Variants in DIP2C observed in about 807,000 individuals in gnomAD.
DIP2C encodes disco-interacting protein 2 homolog C.
Under a neutral mutation model 192.4 loss-of-function variants are expected in DIP2C, and 33 were observed. The ratio of observed to expected loss-of-function variants is 0.17; its 90% CI spans 0.13 to 0.23. The LOEUF is 0.23. Ranked by LOEUF, DIP2C falls within the 10% of genes least tolerant of loss-of-function variation. The probability of loss-of-function intolerance (pLI) is 1.00; values close to 1 mark genes in which losing one functional copy is unlikely to be tolerated. For missense variants in DIP2C, 1,537 were observed against 2,110.1 expected, an observed-to-expected ratio of 0.73 and a Z score of 5.32; for synonymous variants, 979 against 864.1, an observed-to-expected ratio of 1.13 and a Z score of -2.33.
intron 31 of DIP2C, among the ~76,000 whole-genome samples, chr10:314,142 C>T (rs969047114): frequency 2.0e-5 from 3 of 152,200 alleles, no homozygotes; most frequent in African/African-American, 7.2e-5. Context: ...CTTTGTACTC[C>T]TATTTCCAGA....
At chr10:450,302 G>A (rs914280723) in intron 3 of DIP2C, among the ~76,000 whole-genome samples, 4 of 152,194 alleles carry the variant, frequency 2.6e-5, no homozygotes, top group Middle Eastern at 3.4e-3. Context: ...ATGTGGACCC[G>A]ACACAAGAGA....
At chr10:577,164 G>A (rs989256018) in intron 1 of DIP2C, among the ~76,000 whole-genome samples, 6 of 152,174 alleles carry the variant, frequency 3.9e-5, no homozygotes, top group Admixed American at 6.6e-5. Flanking sequence ...GCATCCTACT[G>A]CAATTAATCC....
chr10:622,291 GGAGGGAGGA>G (rs1853906468), intron 1 of DIP2C, among the ~76,000 whole-genome samples: 1 of 85,004 alleles, frequency 1.2e-5, no homozygotes, highest in Admixed American at 1.1e-4. Flanking sequence ...GGAGGGGGAG[GGAGGGAGGA>G]GGGGGGAGAG....
intron 1 of DIP2C, among the ~76,000 whole-genome samples, chr10:584,495 C>CA (rs1343280842): frequency 5.8e-5 from 8 of 138,466 alleles, no homozygotes; most frequent in Non-Finnish European, 1.2e-4. Flanking sequence ...CACTCACGCG[C>CA]ATCACCTCTC....
At chr10:392,567 C>T (rs530270287) in intron 10 of DIP2C, among the ~76,000 whole-genome samples, 1 of 152,178 alleles carries the variant, frequency 6.6e-6, no homozygotes, top group Non-Finnish European at 1.5e-5. Context: ...TAGAGTGCCC[C>T]CCGCGGCCCC....
intron 10 of DIP2C, among the ~76,000 whole-genome samples, chr10:392,491 A>C (rs1963544783): frequency 6.6e-6 from 1 of 152,240 alleles, no homozygotes. Flanking sequence ...CAGGAGCAGC[A>C]GGCCTGGGAG....
chr10:301,720 G>A (rs554029827), intron 32 of DIP2C, among the ~76,000 whole-genome samples: 1 of 152,326 alleles, frequency 6.6e-6, no homozygotes, highest in East Asian at 1.9e-4. Context: ...CCGGGAGCCC[G>A]CCTCTGGTAA....
intron 17 of DIP2C, among the ~76,000 whole-genome samples, chr10:371,538 C>T (rs1012154221): frequency 1.3e-5 from 2 of 152,172 alleles, no homozygotes; most frequent in Non-Finnish European, 1.5e-5. Context: ...GAGAAGCTCA[C>T]GTGACGATGG....
chr10:569,609 A>G (rs755598053), intron 1 of DIP2C, among the ~76,000 whole-genome samples: 17 of 152,332 alleles, frequency 1.1e-4, no homozygotes, highest in East Asian at 5.8e-4. Flanking sequence ...TTTTTTAAAA[A>G]AAAGCAAAAA....
At chr10:341,101 G>C (rs1303508530) in intron 29 of DIP2C, 98 bp downstream of exon 29, 8 of 1,537,034 alleles carry the variant, frequency 5.2e-6, no homozygotes, top group Non-Finnish European at 6.3e-6. Context: ...CAGGAGTGGG[G>C]GTGTGGGGGC....
intron 15 of DIP2C, 100 bp downstream of exon 15, chr10:384,446 C>G (rs1962691902): frequency 8.2e-7 from 1 of 1,219,734 alleles, no homozygotes. Flanking sequence ...CCATATTGGC[C>G]CGGGTGGTCT....
At chr10:529,845 T>C (rs1054947593) in intron 1 of DIP2C, among the ~76,000 whole-genome samples, 1 of 152,246 alleles carries the variant, frequency 6.6e-6, no homozygotes, top group African/African-American at 2.4e-5. Context: ...AGTATTGCGA[T>C]CATGGCTCAT....
rs372291501 is a variant in DIP2C at position 444,219 on chromosome 10, A to C, written c.269-3223T>G. Among the ~76,000 whole-genome samples the C allele has an allele frequency of 7.9e-5, 12 of 151,222 alleles. No individual in the cohort carries two copies. In the East Asian group the frequency reaches 1.4e-3, roughly 17 times the overall value. ...CTTCCATCACCCGAGACTCGTGTAG[A>C]TTCTCTACCATTGCATGGACTCCAC... On this transcript the variant is annotated intron_variant, in intron 3 of 36. Transcript: ENST00000280886.
intron 4 of DIP2C, among the ~76,000 whole-genome samples, chr10:433,762 A>G (rs1429126372): frequency 6.6e-6 from 1 of 152,184 alleles, no homozygotes; most frequent in East Asian, 1.9e-4. Flanking sequence ...ATATTTCTTT[A>G]TATCTAAAGT....
intron 1 of DIP2C, among the ~76,000 whole-genome samples, chr10:688,760 C>T (rs1469351759): frequency 1.3e-5 from 2 of 152,274 alleles, no homozygotes; most frequent in African/African-American, 4.8e-5. Context: ...CACAACCCTC[C>T]ATAAGACCGC....
At chr10:601,945 C>T (rs150904435) in intron 1 of DIP2C, among the ~76,000 whole-genome samples, 17 of 152,226 alleles carry the variant, frequency 1.1e-4, no homozygotes, top group Non-Finnish European at 1.5e-4. Context: ...CAGTGGGAAC[C>T]GGCAGTTTAG....
chr10:521,351 G>A (rs1846696123), intron 1 of DIP2C, among the ~76,000 whole-genome samples: 1 of 152,162 alleles, frequency 6.6e-6, no homozygotes, highest in Non-Finnish European at 1.5e-5. Context: ...CCTGAGTGGG[G>A]ACTCCCGACT....
At chr10:424,363 T>G (rs11252358) in intron 4 of DIP2C, among the ~76,000 whole-genome samples, 3 of 44,818 alleles carry the variant, frequency 6.7e-5, no homozygotes, top group African/African-American at 1.3e-4. Flanking sequence ...GGGTTTTTTT[T>G]TTTTTTTTTT....
chr10:561,151 G>A lies in DIP2C; in HGVS notation c.86-74621C>T, dbSNP rs558964252. On this transcript the variant is annotated intron_variant, in intron 1 of 36. Transcript: ENST00000280886. Reference sequence around the variant, plus strand: ...CCAGGCTGTGCTCTGACCACCTTGGGAATAGGTTCTTAGTATCTCCTGAGG... The same window carrying A: ...CCAGGCTGTGCTCTGACCACCTTGGAAATAGGTTCTTAGTATCTCCTGAGG... Among the ~76,000 whole-genome samples, 8 of 152,324 alleles carry A rather than the reference G, an allele frequency of 5.3e-5. No homozygotes were observed. In the South Asian group the frequency reaches 1.4e-3, roughly 28 times the overall value.
Sources: gnomAD v4.1 joint callset for allele counts (sites outside exome capture counted in the v4.1 genomes callset) on GRCh38, gnomAD v4.1.1 for gene constraint, MANE v1.5 for transcripts, NCBI Gene and HGNC (gene_info 2026-07-23, HGNC 2026-07-21) for gene names.